Variants in REV1 observed in about 807,000 individuals in gnomAD.
The protein encoded by REV1 is translesion synthesis protein REV1.
Under a neutral mutation model 137.4 loss-of-function variants are expected in REV1, and 42 were observed. The observed-to-expected ratio is 0.31, with a 90% CI of 0.24 to 0.40. The LOEUF is 0.40. Ranked by LOEUF, REV1 falls within the 10% of genes least tolerant of loss-of-function variation. The pLI, the probability that REV1 is intolerant of heterozygous loss-of-function variation, is 1.00. For missense variants in REV1, 1,282 were observed against 1,490.1 expected (o/e 0.86, Z 2.30); for synonymous variants, 524 against 519.2 (o/e 1.01, Z -0.12).
At chr2:99,430,696 A>G (rs1680002062) in intron 8 of REV1, among the ~76,000 whole-genome samples, 1 of 152,214 alleles carries the variant, frequency 6.6e-6, no homozygotes, top group Admixed American at 6.5e-5. Context: ...AACTTTACAC[A>G]AGAAAACAAA....
rs774005480 is a variant in REV1 at position 99,429,963 on chromosome 2, A to C, written c.1439-15T>G. 2.2e-5 allele frequency: 33 copies of C among 1,481,136 alleles called. No homozygotes were observed. Among genetic ancestry groups the C allele is most frequent in the Non-Finnish European group, 2.9e-5 (31 of 1,087,558 alleles). The allele number at this position is 1,481,136 out of a possible 1,614,324, so 91.7% of individuals were successfully genotyped here. A position where few individuals can be genotyped will look rare whatever the true frequency, so the allele number is the denominator to read the frequency against. Reference sequence around the variant, plus strand: ...TGGTATATCTGCTTTAAAAATAAAAAAAAATTAATGGTTATATGTTATAAA... The same window carrying C: ...TGGTATATCTGCTTTAAAAATAAAACAAAATTAATGGTTATATGTTATAAA... On this transcript the variant is annotated splice_polypyrimidine_tract_variant and intron_variant, in intron 8 of 22. Coordinates refer to ENST00000258428, the MANE Select transcript of REV1 (RefSeq NM_016316.4).
chr2:99,470,003 C>T (rs901306637), intron 1 of REV1, among the ~76,000 whole-genome samples: 2 of 152,076 alleles, frequency 1.3e-5, no homozygotes, highest in Admixed American at 6.6e-5. Flanking sequence ...CACCTGTAGT[C>T]CCAGCTACGT....
At chr2:99,403,324 T>C (rs1241582644) in intron 19 of REV1, 3 of 585,900 alleles carry the variant, frequency 5.1e-6, no homozygotes, top group African/African-American at 3.7e-5. Context: ...CTTTGGCATG[T>C]TGCTCATCTA....
intron 1 of REV1, among the ~76,000 whole-genome samples, chr2:99,480,736 C>T (rs1686525049): frequency 6.6e-6 from 1 of 152,104 alleles, no homozygotes; most frequent in Admixed American, 6.6e-5. Context: ...TTCACAAATC[C>T]CTTTTCTCAC....
At chr2:99,483,426 T>C (rs538579694) in intron 1 of REV1, among the ~76,000 whole-genome samples, 2 of 152,218 alleles carry the variant, frequency 1.3e-5, no homozygotes, top group Non-Finnish European at 2.9e-5. Context: ...AGCAACACTT[T>C]GCTTAATAGG....
At chr2:99,453,796 G>A (rs1683198364) in intron 3 of REV1, among the ~76,000 whole-genome samples, 2 of 149,672 alleles carry the variant, frequency 1.3e-5, no homozygotes, top group Admixed American at 6.7e-5. Context: ...AGGAGGCTGA[G>A]GCAGGAGAAT....
rs750140519 is a variant in REV1 at position 99,402,790 on chromosome 2, G to C, written c.3395C>G (p.Ser1132Cys). The change falls in exon 21 of 23, where the codon TCT (serine) becomes TGT (cysteine). Residue 1132 changes from serine (S) to cysteine (C), a missense_variant. Transcript: ENST00000258428. ...GCCTGGCACACCTGAAGTAGAAGCA[G>C]AGAGTTCTTCCTGTTAAGAAAACAA... ...PPAEKPLEEL[S>C]ASTSGVPGLS... is the part of the protein sequence containing the mutation. 10 of 1,614,084 alleles carry C rather than the reference G, an allele frequency of 6.2e-6. No individual in the cohort carries two copies. The East Asian group carries it at 2.0e-4, about 32-fold the overall frequency.
intron 1 of REV1, among the ~76,000 whole-genome samples, chr2:99,476,616 C>T (rs61577246): frequency 0.15 from 23,548 of 152,058 alleles, 1,990 homozygotes; most frequent in East Asian, 0.26. Context: ...TACCTGGGGG[C>T]TTTGAGCCAC....
chr2:99,468,876 C>T (rs1009345601), intron 1 of REV1, among the ~76,000 whole-genome samples: 5 of 152,130 alleles, frequency 3.3e-5, no homozygotes, highest in African/African-American at 1.2e-4. Flanking sequence ...TCGAGTGAGA[C>T]TACACACGTG....
intron 8 of REV1, among the ~76,000 whole-genome samples, chr2:99,432,742 C>T (rs1438596643): frequency 1.3e-5 from 2 of 152,166 alleles, no homozygotes; most frequent in African/African-American, 4.8e-5. Flanking sequence ...TGGTTTACCA[C>T]CCACATTTAG....
chr2:99,444,645 T>G (rs1328525721), intron 4 of REV1, among the ~76,000 whole-genome samples: 2 of 152,208 alleles, frequency 1.3e-5, no homozygotes, highest in Non-Finnish European at 2.9e-5. Context: ...TAAAGCCCAA[T>G]GCACTACAGT....
intron 22 of REV1, among the ~76,000 whole-genome samples, chr2:99,401,807 C>T (rs544395060): frequency 2.6e-5 from 4 of 152,296 alleles, no homozygotes; most frequent in South Asian, 4.1e-4. Flanking sequence ...GACAAGCTGT[C>T]GATCAGGCTG....
intron 4 of REV1, among the ~76,000 whole-genome samples, chr2:99,446,350 T>C (rs1434245070): frequency 1.3e-5 from 2 of 152,166 alleles, no homozygotes; most frequent in South Asian, 2.1e-4. Flanking sequence ...AGACAAATGA[T>C]TAAACCTCAG....
chr2:99,467,879 C>G (rs1684987738), intron 1 of REV1, among the ~76,000 whole-genome samples: 1 of 151,770 alleles, frequency 6.6e-6, no homozygotes, highest in South Asian at 2.1e-4. Flanking sequence ...AATCCCATGT[C>G]TATTAAAAAT....
At chr2:99,427,111 G>A (rs1388076156) in intron 9 of REV1, among the ~76,000 whole-genome samples, 1 of 152,150 alleles carries the variant, frequency 6.6e-6, no homozygotes, top group Admixed American at 6.5e-5. Flanking sequence ...CAACCTGGGA[G>A]GCAGGGGTTG....
Position 99,434,398 on chromosome 2 carries a change from G to C in REV1, c.1372C>G (p.Arg458Gly), listed in dbSNP as rs1041662856. The change falls in exon 8 of 23, where the codon CGT (arginine) becomes GGT (glycine). Residue 458 changes from arginine to glycine, a missense_variant. This residue lies in a region of REV1 where 432 missense variants were observed against 438.0 expected (regional missense o/e 0.99). Coordinates refer to ENST00000258428, the MANE Select transcript of REV1 (RefSeq NM_016316.4). ...SNRGTGRAPL[R>G]PGANPQLEWQ... ...TCCAGCTGGGGGTTAGCGCCAGGAC[G>C]TAAAGGTGCCCTTCCTGTGCCTCTG... 1.9e-6 allele frequency: 3 copies of C among 1,604,780 alleles called. No individual in the cohort carries two copies. Among genetic ancestry groups the C allele is most frequent in the Non-Finnish European group, 2.6e-6 (3 of 1,175,916 alleles).
In REV1 at chr2:99,421,509, A is replaced by G; in HGVS notation, c.1821T>C (p.Ser607=). The G allele has an allele frequency of 1.2e-6, 2 of 1,613,954 alleles. No individual in the cohort carries two copies. The highest frequency in any genetic ancestry group is 2.2e-5 in the South Asian group (2 of 91,054). Residue 607 remains serine, a synonymous_variant, in exon 11 of 23, where the codon TCT becomes TCC. Coordinates refer to ENST00000258428, the MANE Select transcript of REV1 (RefSeq NM_016316.4). ...EIKDQTKCAA[S]VGIGSNILLA... The stretch of plus-strand genomic sequence containing the variant: ...AAGCTAGATACTAACCAATTCCAAC[A>G]GAGGCAGCACATTTCGTCTGGTCTT...
At chr2:99,479,511 G>C (rs1686374558) in intron 1 of REV1, among the ~76,000 whole-genome samples, 1 of 151,908 alleles carries the variant, frequency 6.6e-6, no homozygotes, top group Non-Finnish European at 1.5e-5. Flanking sequence ...AAGGTTATCA[G>C]AGATTTGCAT....
chr2:99,425,017 T>A, intron 9 of REV1: 1 of 730,148 alleles, frequency 1.4e-6, no homozygotes, highest in Non-Finnish European at 1.8e-6. Flanking sequence ...AGTAAAATTC[T>A]ATTTTATCAC....
Sources: allele counts gnomAD v4.1 joint callset (sites outside exome capture counted in the v4.1 genomes callset), GRCh38; gene constraint gnomAD v4.1.1; regional missense constraint gnomAD v4.1.1; transcripts MANE v1.5; gene names NCBI Gene and HGNC (gene_info 2026-07-23, HGNC 2026-07-21).